RBMS3: variants seen among roughly 807,000 people sequenced by gnomAD.
RBMS3 encodes the protein RNA-binding motif, single-stranded-interacting protein 3.
Under a neutral mutation model 66.8 loss-of-function variants are expected in RBMS3, and 27 were observed. That is an observed-to-expected ratio of 0.40 (90% CI 0.30 to 0.56). The LOEUF (loss-of-function observed/expected upper bound fraction) is 0.56, where lower values mean the gene tolerates loss of function less well. Ranked by LOEUF, RBMS3 falls within the 20% of genes least tolerant of loss-of-function variation. RBMS3 has a pLI of 0.40. For synonymous variants in RBMS3, 188 were observed against 183.0 expected (o/e 1.03, Z -0.22); for missense variants, 513 against 549.5 (o/e 0.93, Z 0.66).
At chr3:29,953,446 T>C (rs1432368586) in intron 12 of RBMS3, among the ~76,000 whole-genome samples, 2 of 151,998 alleles carry the variant, frequency 1.3e-5, no homozygotes, top group Non-Finnish European at 2.9e-5. Flanking sequence ...ACCTTGCAAA[T>C]AGCTTCCAGC....
At chr3:29,309,933 A>AGG (rs2034269663) in intron 1 of RBMS3, among the ~76,000 whole-genome samples, 1 of 151,770 alleles carries the variant, frequency 6.6e-6, no homozygotes, top group African/African-American at 2.4e-5. Context: ...AAATTAGAAA[A>AGG]GGGGCAGCTA....
intron 3 of RBMS3, among the ~76,000 whole-genome samples, chr3:29,501,313 A>G (rs115285059): frequency 0.014 from 2,060 of 152,284 alleles, 28 homozygotes; most frequent in South Asian, 0.035. Flanking sequence ...AGGTCAGTCT[A>G]TATTTCCACT....
chr3:29,634,766 G>A lies in RBMS3; in HGVS notation c.399+47561G>A, dbSNP rs9839626. 4.3e-3 allele frequency among the ~76,000 whole-genome samples: 658 copies of A among 151,596 alleles called. 2 individuals are homozygous for A. Among genetic ancestry groups the A allele is most frequent in the African/African-American group, 0.015 (614 of 41,376 alleles). On this transcript the variant is annotated intron_variant, in intron 4 of 14. Transcript: ENST00000383767. ...GGGGAACCATAACCAGGACAATAAC[G>A]TTTTCTAATACTTCCTATTCCTTTA...
At chr3:29,349,950 G>A (rs1444284914) in intron 1 of RBMS3, among the ~76,000 whole-genome samples, 2 of 152,040 alleles carry the variant, frequency 1.3e-5, no homozygotes, top group African/African-American at 4.8e-5. Flanking sequence ...ACCTGAGGTT[G>A]GGAGTTCGAG....
chr3:29,760,357 A>C (rs2055624139), intron 5 of RBMS3, among the ~76,000 whole-genome samples: 1 of 151,932 alleles, frequency 6.6e-6, no homozygotes, highest in Non-Finnish European at 1.5e-5. Flanking sequence ...AAAGGATTTG[A>C]TTTGTAGGAC....
chr3:29,291,799 GTC>G (rs1693753846), intron 1 of RBMS3, among the ~76,000 whole-genome samples: 1 of 151,604 alleles, frequency 6.6e-6, no homozygotes, highest in South Asian at 2.1e-4. Flanking sequence ...AAGAACACAT[GTC>G]TCTACAGGTA....
At chr3:29,980,625 G>A (rs553397254) in intron 12 of RBMS3, among the ~76,000 whole-genome samples, 19 of 152,224 alleles carry the variant, frequency 1.2e-4, no homozygotes, top group Admixed American at 1.0e-3. Flanking sequence ...TGTAAGGAGG[G>A]GGTCCAGTTT....
intron 10 of RBMS3, among the ~76,000 whole-genome samples, chr3:29,923,472 G>T (rs1449279): frequency 6.6e-6 from 1 of 152,158 alleles, no homozygotes; most frequent in Non-Finnish European, 1.5e-5. Flanking sequence ...GATGGCTTCA[G>T]GCTTGCTCTT....
At chr3:29,286,808 A>C (rs1302845197) in intron 1 of RBMS3, among the ~76,000 whole-genome samples, 2 of 152,130 alleles carry the variant, frequency 1.3e-5, no homozygotes, top group Non-Finnish European at 2.9e-5. Context: ...CCCATGTCAA[A>C]TTCTAAAATC....
intron 7 of RBMS3, among the ~76,000 whole-genome samples, chr3:29,881,300 C>G (rs1559764289): frequency 6.6e-6 from 1 of 152,096 alleles, no homozygotes; most frequent in Non-Finnish European, 1.5e-5. Context: ...CCCATCCATA[C>G]CACTCATATG....
chr3:29,909,469 G>T (rs1040747777), intron 10 of RBMS3, among the ~76,000 whole-genome samples: 2 of 152,030 alleles, frequency 1.3e-5, no homozygotes, highest in African/African-American at 4.8e-5. Flanking sequence ...AATAATTTTG[G>T]AGGTAATGTT....
intron 5 of RBMS3, among the ~76,000 whole-genome samples, chr3:29,748,710 A>G (rs529874683): frequency 4.3e-4 from 65 of 152,314 alleles, no homozygotes; most frequent in African/African-American, 1.5e-3. Flanking sequence ...CATACCTCAC[A>G]TAGCTCAGCC....
At chr3:29,910,860 G>C (rs73831096) in intron 10 of RBMS3, among the ~76,000 whole-genome samples, 3,536 of 151,942 alleles carry the variant, frequency 0.023, 153 homozygotes, top group African/African-American at 0.081. Context: ...TTTAGAGTTA[G>C]ATTTTTCAAA....
chr3:29,568,578 T>A (rs2046824114), intron 3 of RBMS3, among the ~76,000 whole-genome samples: 1 of 152,198 alleles, frequency 6.6e-6, no homozygotes, highest in Non-Finnish European at 1.5e-5. Flanking sequence ...CGACATAGAA[T>A]TTAGGTAGTG....
intron 4 of RBMS3, among the ~76,000 whole-genome samples, chr3:29,633,791 C>T (rs1317145040): frequency 6.6e-6 from 1 of 151,748 alleles, no homozygotes; most frequent in South Asian, 2.1e-4. Flanking sequence ...TACTTTTGGC[C>T]AATTTCCTTA....
intron 3 of RBMS3, among the ~76,000 whole-genome samples, chr3:29,561,153 G>A (rs2046537123): frequency 6.6e-6 from 1 of 152,100 alleles, no homozygotes; most frequent in African/African-American, 2.4e-5. Context: ...TGGGCATTTA[G>A]GTTGATTCCA....
chr3:29,880,739 A>G (rs2059717406), intron 7 of RBMS3: 1 of 1,521,880 alleles, frequency 6.6e-7, no homozygotes, highest in Middle Eastern at 1.7e-4. Flanking sequence ...CCAAATGCAT[A>G]TGACCTGACA....
At chr3:29,550,791 T>G (rs959118477) in intron 3 of RBMS3, among the ~76,000 whole-genome samples, 3 of 152,172 alleles carry the variant, frequency 2.0e-5, no homozygotes, top group Non-Finnish European at 4.4e-5. Context: ...TATTTCAAGG[T>G]TACAGAAGCC....
chr3:29,618,964 C>G lies in RBMS3; in HGVS notation c.399+31759C>G, dbSNP rs775316007. Reference sequence around the variant, plus strand: ...AAAAGTAGGTAGGGAAAGAATTATTCAGAGAAAACATTTTTCAAGATCTTC... The same window carrying G: ...AAAAGTAGGTAGGGAAAGAATTATTGAGAGAAAACATTTTTCAAGATCTTC... On this transcript the variant is annotated intron_variant, in intron 4 of 14. Coordinates refer to ENST00000383767, the MANE Select transcript of RBMS3 (RefSeq NM_001003793.3). Among the ~76,000 whole-genome samples, 3 of 151,956 alleles carry G rather than the reference C, an allele frequency of 2.0e-5. No individual in the cohort carries two copies. The East Asian group carries it at 5.8e-4, about 29-fold the overall frequency.
Sources: allele counts gnomAD v4.1 joint callset (sites outside exome capture counted in the v4.1 genomes callset), GRCh38; gene constraint gnomAD v4.1.1; transcripts MANE v1.5; gene names NCBI Gene and HGNC (gene_info 2026-07-23, HGNC 2026-07-21).